The following FBXL4 variants were observed in gnomAD, a reference collection of about 807,000 sequenced individuals.
FBXL4 encodes the protein F-box and leucine rich repeat protein 4.
A neutral mutation model predicts 58.9 loss-of-function variants in FBXL4; 40 were observed. The observed-to-expected ratio is 0.68, with a 90% CI of 0.53 to 0.88. The LOEUF is 0.88. Ranked by LOEUF, FBXL4 falls within the 40% of genes least tolerant of loss-of-function variation. The pLI is 0.00. For missense variants in FBXL4, 676 were observed against 734.4 expected (o/e 0.92, Z 0.92); for synonymous variants, 263 against 265.5 (o/e 0.99, Z 0.09).
At chr6:98,896,743 C>G (rs1771424706) in intron 7 of FBXL4, 1 of 920,120 alleles carries the variant, frequency 1.1e-6, no homozygotes, top group Non-Finnish European at 1.3e-6. Flanking sequence ...AGGGTACAAC[C>G]TAAATTTTAT....
intron 5 of FBXL4, among the ~76,000 whole-genome samples, chr6:98,916,534 G>A (rs1374323327): frequency 7.3e-5 from 11 of 151,630 alleles, no homozygotes; most frequent in African/African-American, 2.4e-4. Flanking sequence ...GGATGAAATT[G>A]GAAATCATCA....
intron 4 of FBXL4, among the ~76,000 whole-genome samples, chr6:98,918,289 C>T (rs943662961): frequency 2.0e-5 from 3 of 151,990 alleles, no homozygotes; most frequent in African/African-American, 7.2e-5. Context: ...TTAAGTTATC[C>T]TTATATCCTT....
intron 7 of FBXL4, among the ~76,000 whole-genome samples, chr6:98,881,139 T>G (rs530537516): frequency 6.6e-6 from 1 of 152,242 alleles, no homozygotes; most frequent in South Asian, 2.1e-4. Context: ...TGTCAAAGGA[T>G]TCTCTTTGCT....
intron 4 of FBXL4, among the ~76,000 whole-genome samples, chr6:98,918,650 T>C (rs1253028507): frequency 6.6e-6 from 1 of 152,106 alleles, no homozygotes; most frequent in Non-Finnish European, 1.5e-5. Context: ...AAAGAGAAAA[T>C]TAGAAACATT....
intron 7 of FBXL4, among the ~76,000 whole-genome samples, chr6:98,894,482 C>G (rs1771344520): frequency 6.6e-6 from 1 of 152,080 alleles, no homozygotes; most frequent in African/African-American, 2.4e-5. Flanking sequence ...TTTACCAACC[C>G]ATTTCACTAG....
rs766267288 is a variant in FBXL4 at position 98,905,655 on chromosome 6, G to C, written c.874C>G (p.Leu292Val). Residue 292 changes from leucine (L) to valine (V), a missense_variant, in exon 6 of 10, where the codon CTG becomes GTG. Leu to Val is a conservative substitution (Grantham distance 32, BLOSUM62 1). Coordinates refer to ENST00000369244, the MANE Select transcript of FBXL4 (RefSeq NM_001278716.2). ...AGGTCTGGTAGTGTAAGATGATTCA[G>C]AATCAGCTGAATAAGCTAAATAAGA... ...KLPYELIQLI[L>V]NHLTLPDLCR... The C allele has an allele frequency of 1.9e-6, 3 of 1,613,414 alleles. No individual in the cohort carries two copies. The highest frequency in any genetic ancestry group is 1.1e-5 in the South Asian group (1 of 91,040).
At chr6:98,885,686 G>A (rs913315550) in intron 7 of FBXL4, among the ~76,000 whole-genome samples, 2 of 152,204 alleles carry the variant, frequency 1.3e-5, no homozygotes, top group African/African-American at 4.8e-5. Context: ...CTACCTGTCA[G>A]ACTACAACTA....
chr6:98,941,859 G>GT (rs1033909836), intron 1 of FBXL4, among the ~76,000 whole-genome samples: 8 of 151,914 alleles, frequency 5.3e-5, no homozygotes, highest in Non-Finnish European at 8.8e-5. Flanking sequence ...TAGGACAATA[G>GT]TTTTTTTTAA....
chr6:98,875,619 G>A lies in FBXL4; in HGVS notation c.1498C>T (p.Leu500=). 2 of 1,614,144 alleles carry A rather than the reference G, an allele frequency of 1.2e-6. No individual in the cohort carries two copies. The highest frequency in any genetic ancestry group is 1.7e-6 in the Non-Finnish European group (2 of 1,180,014). Residue 500 remains leucine, a synonymous_variant, in exon 9 of 10, where the codon CTG becomes TTG. Transcript: ENST00000369244. ...KNITENGIAE[L]ASGCPLLEEL... Reference sequence around the variant, plus strand: ...TCCAGTAGTGGACACCCAGAAGCCAGTTCTGCTATTCCATTCTCAGTAATA... The same window carrying A: ...TCCAGTAGTGGACACCCAGAAGCCAATTCTGCTATTCCATTCTCAGTAATA...
Position 98,899,412 on chromosome 6 carries a change from A to C in FBXL4, c.1173T>G (p.Thr391=). 6.2e-7 allele frequency: 1 copy of C among 1,613,986 alleles called. No individual in the cohort carries two copies. Among genetic ancestry groups the C allele is most frequent in the South Asian group, 1.1e-5 (1 of 91,080 alleles). ...ACATCTCAGAAATAACTTCTAAGCA[A>C]GTTTCATTAAGAAAGTGGCTGCAAG... The part of the protein sequence containing the change: ...ELSCSHFLNE[T]CLEVISEMCP... Residue 391 remains threonine (T), a synonymous_variant, in exon 7 of 10, where the codon ACT becomes ACG. Coordinates refer to ENST00000369244, the MANE Select transcript of FBXL4 (RefSeq NM_001278716.2).
intron 4 of FBXL4, among the ~76,000 whole-genome samples, chr6:98,920,853 C>T (rs1772556213): frequency 6.6e-6 from 1 of 151,126 alleles, no homozygotes; most frequent in Admixed American, 6.6e-5. Context: ...CACACACACA[C>T]ACATTCTGGA....
At chr6:98,903,298 G>C (rs562012769) in intron 6 of FBXL4, among the ~76,000 whole-genome samples, 1 of 152,082 alleles carries the variant, frequency 6.6e-6, no homozygotes, top group South Asian at 2.1e-4. Context: ...TCAAGTCATG[G>C]GGGCCAACAG....
intron 1 of FBXL4, among the ~76,000 whole-genome samples, chr6:98,938,080 C>T (rs1773291734): frequency 7.8e-6 from 1 of 127,842 alleles, no homozygotes; most frequent in African/African-American, 3.0e-5. Flanking sequence ...CAATCTCTTT[C>T]ATGATTTCCT....
At chr6:98,901,887 A>G (rs1338992347) in intron 6 of FBXL4, among the ~76,000 whole-genome samples, 1 of 152,152 alleles carries the variant, frequency 6.6e-6, no homozygotes, top group Non-Finnish European at 1.5e-5. Flanking sequence ...CTACATTGTG[A>G]ATGCTCACAA....
At chr6:98,908,817 A>G (rs1771917555) in intron 5 of FBXL4, among the ~76,000 whole-genome samples, 1 of 151,806 alleles carries the variant, frequency 6.6e-6, no homozygotes, top group Non-Finnish European at 1.5e-5. Flanking sequence ...CCTGGACTCT[A>G]TTCTGTTCCA....
chr6:98,917,721 T>G lies in FBXL4; in HGVS notation c.513-2A>C. On this transcript the variant is annotated splice_acceptor_variant, in intron 4 of 9. Coordinates refer to ENST00000369244, the MANE Select transcript of FBXL4 (RefSeq NM_001278716.2). LOFTEE classifies it high-confidence loss of function. ...CTCTCTGACCAAAGAATCTCCCATC[T>G]GCCAAAAAAAGAAACTTCCCTATAA... is the stretch of plus-strand genomic sequence containing the variant. 6.3e-7 allele frequency: 1 copy of G among 1,579,896 alleles called. No homozygotes were observed. Among genetic ancestry groups the G allele is most frequent in the Non-Finnish European group, 8.6e-7 (1 of 1,167,036 alleles).
At chr6:98,885,542 T>C (rs1329281846) in intron 7 of FBXL4, among the ~76,000 whole-genome samples, 1 of 152,126 alleles carries the variant, frequency 6.6e-6, no homozygotes. Flanking sequence ...AGGCTGACCC[T>C]CCCTCAAATA....
In FBXL4 at chr6:98,873,377, T is replaced by G. The variant is rs759881738; in HGVS notation, c.*901A>C. 2 of 149,096 alleles carry G rather than the reference T, an allele frequency of 1.3e-5. No individual in the cohort carries two copies. The highest frequency in any genetic ancestry group is 3.0e-5 in the Non-Finnish European group (2 of 67,442). 9.2% of individuals were successfully genotyped at this position (149,096 alleles called of 1,614,324 possible). A position where few individuals can be genotyped will look rare whatever the true frequency, so the allele number is the denominator to read the frequency against. On this transcript the variant is annotated 3_prime_UTR_variant, in exon 10 of 10. Transcript: ENST00000369244. ...ATATAATGTGTATATATAATATATA[T>G]CTCCACATTTATGTTTTTTTATATA...
At chr6:98,928,528 C>T (rs1394072753) in intron 2 of FBXL4, among the ~76,000 whole-genome samples, 1 of 152,022 alleles carries the variant, frequency 6.6e-6, no homozygotes, top group Non-Finnish European at 1.5e-5. Flanking sequence ...CAGGGTTTCA[C>T]CATGTTAGCA....
Sources: gnomAD v4.1 joint callset for allele counts (sites outside exome capture counted in the v4.1 genomes callset) on GRCh38, gnomAD v4.1.1 for gene constraint, MANE v1.5 for transcripts, NCBI Gene and HGNC (gene_info 2026-07-23, HGNC 2026-07-21) for gene names.